TPST2: variants seen among roughly 807,000 people sequenced by gnomAD.
The protein encoded by TPST2 is protein-tyrosine sulfotransferase 2.
In TPST2, 16 loss-of-function variants were observed where a neutral mutation model predicts 27.8. That is an observed-to-expected ratio of 0.58 (90% confidence interval 0.39 to 0.88). TPST2 has a LOEUF of 0.88. Among genes scored for constraint, TPST2 ranks in the 40% least tolerant of loss-of-function variants. The pLI is 0.00. For synonymous variants in TPST2, 229 were observed against 231.7 expected (o/e 0.99, Z 0.10); for missense variants, 464 against 543.1 (o/e 0.85, Z 1.45).
chr22:26,574,919 C>T (rs566861243), intron 1 of TPST2, among the ~76,000 whole-genome samples: 107 of 152,298 alleles, frequency 7.0e-4, no homozygotes, highest in Admixed American at 1.6e-3. Flanking sequence ...ATGCCACTGG[C>T]TTTCTGGACC....
chr22:26,583,610 C>CT (rs1928209833), intron 1 of TPST2, among the ~76,000 whole-genome samples: 1 of 151,292 alleles, frequency 6.6e-6, no homozygotes, highest in East Asian at 1.9e-4. Context: ...AATCCCAGCA[C>CT]TTTGGGAGGC....
intron 3 of TPST2, among the ~76,000 whole-genome samples, chr22:26,538,241 G>A (rs551974000): frequency 6.6e-6 from 1 of 152,178 alleles, no homozygotes; most frequent in African/African-American, 2.4e-5. Flanking sequence ...AAGGTGAAAG[G>A]GTGTGGACTG....
intron 1 of TPST2, among the ~76,000 whole-genome samples, chr22:26,588,300 G>GTA (rs1162235393): frequency 3.3e-5 from 5 of 151,982 alleles, no homozygotes; most frequent in Non-Finnish European, 7.4e-5. Flanking sequence ...AGGCCACATA[G>GTA]TATATGACTG....
rs1033752087 is a variant in TPST2 at position 26,586,409 on chromosome 22, C to T, written c.-161+3644G>A. ...GGAATACAGGCGCGCACCACCACGC[C>T]TGGCTAATTTTTGTATTTTTTGTAG... On this transcript the variant is annotated intron_variant, in intron 1 of 6. Transcript: ENST00000338754. 1.2e-4 allele frequency among the ~76,000 whole-genome samples: 19 copies of T among 152,122 alleles called. 1 individual carries two copies. Among genetic ancestry groups the T allele is most frequent in the Admixed American group, 1.2e-3 (19 of 15,266 alleles).
chr22:26,559,068 A>C (rs542838580), intron 1 of TPST2, among the ~76,000 whole-genome samples: 7 of 152,358 alleles, frequency 4.6e-5, no homozygotes, highest in Admixed American at 1.3e-4. Flanking sequence ...TCACCTATTT[A>C]AAGTGTACAG....
chr22:26,536,015 T>C (rs2147181279), intron 4 of TPST2: 1 of 567,642 alleles, frequency 1.8e-6, no homozygotes, highest in Non-Finnish European at 3.3e-6. Flanking sequence ...TAAATAAAAT[T>C]AGAGAAATAA....
intron 4 of TPST2, among the ~76,000 whole-genome samples, chr22:26,534,193 G>A (rs1925326574): frequency 6.6e-6 from 1 of 152,114 alleles, no homozygotes; most frequent in Admixed American, 6.6e-5. Flanking sequence ...CATCAGCATA[G>A]ATGTCCTTTT....
intron 1 of TPST2, among the ~76,000 whole-genome samples, chr22:26,574,472 C>T (rs892585578): frequency 5.6e-4 from 86 of 152,248 alleles, no homozygotes; most frequent in African/African-American, 2.0e-3. Flanking sequence ...CTCTTGATGC[C>T]TGCCTCACGG....
Position 26,553,060 on chromosome 22 carries a change from CAAAAAA to C in TPST2, c.-160-8391_-160-8386del, listed in dbSNP as rs3037016. The stretch of plus-strand genomic sequence containing the variant: ...GGGTGACAACAGCGAAACTCCATCT[CAAAAAA>C]AAAAAAAAAAAAAAAAAAAAGACAC... On this transcript the variant is annotated intron_variant, in intron 1 of 6. Transcript: ENST00000338754. 9.5e-4 allele frequency among the ~76,000 whole-genome samples: 41 copies of C among 43,202 alleles called. 1 individual carries two copies. The highest frequency in any genetic ancestry group is 3.4e-3 in the African/African-American group (34 of 9,978). 28.3% of individuals were successfully genotyped at this position (43,202 alleles called of 152,430 possible). A position where few individuals can be genotyped will look rare whatever the true frequency, so the allele number is the denominator to read the frequency against.
At chr22:26,535,194 C>T (rs567260115) in intron 4 of TPST2, among the ~76,000 whole-genome samples, 5 of 152,256 alleles carry the variant, frequency 3.3e-5, no homozygotes, top group East Asian at 1.9e-4. Flanking sequence ...AACTAAGAGA[C>T]GATTAACTTT....
In TPST2 at chr22:26,550,016, G is replaced by A. The variant is rs1208913640; in HGVS notation, c.-160-5341C>T. Among the ~76,000 whole-genome samples, 3 of 149,838 alleles carry A rather than the reference G, an allele frequency of 2.0e-5. No homozygotes were observed. In the East Asian group the frequency reaches 5.9e-4, roughly 29 times the overall value. Reference sequence around the variant, plus strand: ...GATCATGCCACTGCACTTCAGCCTGGGTGATGGAGCAAGACTCCATCTCAA... The same window carrying A: ...GATCATGCCACTGCACTTCAGCCTGAGTGATGGAGCAAGACTCCATCTCAA... On this transcript the variant is annotated intron_variant, in intron 1 of 6. Coordinates refer to ENST00000338754, the MANE Select transcript of TPST2 (RefSeq NM_003595.5).
chr22:26,534,732 A>ACTACCATCT (rs1466504667), intron 4 of TPST2, among the ~76,000 whole-genome samples: 2 of 152,258 alleles, frequency 1.3e-5, no homozygotes, highest in African/African-American at 4.8e-5. Context: ...TTGTGAGATC[A>ACTACCATCT]CTACCATCTT....
At chr22:26,552,858 G>A (rs1188180504) in intron 1 of TPST2, among the ~76,000 whole-genome samples, 5 of 151,924 alleles carry the variant, frequency 3.3e-5, no homozygotes, top group East Asian at 1.9e-4. Flanking sequence ...TCAGGAGTTC[G>A]AGACCAGCCT....
intron 1 of TPST2, among the ~76,000 whole-genome samples, chr22:26,578,093 A>G (rs1250013521): frequency 1.3e-5 from 2 of 152,140 alleles, no homozygotes; most frequent in Non-Finnish European, 2.9e-5. Flanking sequence ...TTCAATTAAA[A>G]TCAATTATAT....
At chr22:26,566,359 T>C (rs1391531549) in intron 1 of TPST2, among the ~76,000 whole-genome samples, 1 of 152,098 alleles carries the variant, frequency 6.6e-6, no homozygotes, top group East Asian at 1.9e-4. Context: ...GAGACCATCC[T>C]GGCCAACATA....
At chr22:26,535,343 C>T (rs775120874) in intron 4 of TPST2, among the ~76,000 whole-genome samples, 8 of 152,152 alleles carry the variant, frequency 5.3e-5, no homozygotes, top group Non-Finnish European at 1.0e-4. Context: ...GGCCTGGGTC[C>T]CATTTTCAAA....
chr22:26,531,430 A>G (rs901529774), intron 5 of TPST2, among the ~76,000 whole-genome samples: 5 of 152,268 alleles, frequency 3.3e-5, no homozygotes, highest in Non-Finnish European at 4.4e-5. Context: ...ATTCCTGTAA[A>G]TCACATTGGG....
At position 26,523,564 on chromosome 22, in the gene TPST2, AT is replaced by A. The variant is rs1350338692; in HGVS notation, c.*2710del. On this transcript the variant is annotated 3_prime_UTR_variant, in exon 7 of 7. Coordinates refer to ENST00000338754, the MANE Select transcript of TPST2 (RefSeq NM_003595.5). ...TACCACTTAGGGGCTAGAAACAGAA[AT>A]TGTATTTATTTTATTTTGTTTTATT... 6.6e-6 allele frequency: 1 copy of A among 152,126 alleles called. No homozygotes were observed. The highest frequency in any genetic ancestry group is 2.4e-5 in the African/African-American group (1 of 41,430). 9.4% of individuals were successfully genotyped at this position (152,126 alleles called of 1,614,324 possible).
intron 1 of TPST2, among the ~76,000 whole-genome samples, chr22:26,556,518 C>T (rs371689814): frequency 8.1e-4 from 124 of 152,152 alleles, no homozygotes; most frequent in African/African-American, 2.6e-3. Flanking sequence ...CTAGCCTGGG[C>T]GACAAGAGCG....
Sources: allele counts gnomAD v4.1 joint callset (sites outside exome capture counted in the v4.1 genomes callset), GRCh38; gene constraint gnomAD v4.1.1; transcripts MANE v1.5; gene names NCBI Gene and HGNC (gene_info 2026-07-23, HGNC 2026-07-21).